PTPRN2: variants seen among roughly 807,000 people sequenced by gnomAD.
The protein encoded by PTPRN2 is receptor-type tyrosine-protein phosphatase N2.
A neutral mutation model predicts 118.8 loss-of-function variants in PTPRN2; 74 were observed. The ratio of observed to expected loss-of-function variants is 0.62; its 90% CI spans 0.52 to 0.76. The LOEUF (loss-of-function observed/expected upper bound fraction) is 0.76, where lower values mean the gene tolerates loss of function less well. Ranked by LOEUF, PTPRN2 falls within the 30% of genes least tolerant of loss-of-function variation. PTPRN2 has a pLI of 0.00. For missense variants in PTPRN2, 1,481 were observed against 1,394.4 expected (o/e 1.06, Z -0.99); for synonymous variants, 641 against 608.0 (o/e 1.05, Z -0.80).
intron 9 of PTPRN2, among the ~76,000 whole-genome samples, chr7:158,120,176 A>T (rs1817043694): frequency 1.3e-5 from 2 of 152,140 alleles, no homozygotes; most frequent in Admixed American, 1.3e-4. Flanking sequence ...GAGTAGAGTG[A>T]AGGCTGCCAG....
chr7:157,670,682 C>T (rs1796364832), intron 13 of PTPRN2, among the ~76,000 whole-genome samples: 1 of 152,212 alleles, frequency 6.6e-6, no homozygotes, highest in South Asian at 2.1e-4. Flanking sequence ...CGGAGGATGA[C>T]TCACCGGGCA....
intron 5 of PTPRN2, among the ~76,000 whole-genome samples, chr7:158,188,120 T>A (rs1825329584): frequency 6.7e-6 from 1 of 150,284 alleles, no homozygotes; most frequent in Admixed American, 6.6e-5. Context: ...ACGGAAGGGA[T>A]GTCCTAGTGC....
Position 158,071,245 on chromosome 7 carries a change from G to A in PTPRN2, c.1723+10053C>T, listed in dbSNP as rs201086687. Among the ~76,000 whole-genome samples the A allele has an allele frequency of 2.5e-3, 136 of 54,028 alleles. 5 individuals carry two copies. Among genetic ancestry groups the A allele is most frequent in the East Asian group, 0.016 (17 of 1,044 alleles). 35.4% of individuals were successfully genotyped at this position (54,028 alleles called of 152,430 possible). A position where few individuals can be genotyped will look rare whatever the true frequency, so the allele number is the denominator to read the frequency against. On this transcript the variant is annotated intron_variant, in intron 11 of 22. Coordinates refer to ENST00000389418, the MANE Select transcript of PTPRN2 (RefSeq NM_002847.5). ...GGTGCCCGTGGTGGTGGAGGTGCTC[G>A]TAGTATGGAGGTGCCCGTGGTGGTG...
chr7:157,902,601 G>A (rs2128754050), intron 11 of PTPRN2, among the ~76,000 whole-genome samples: 1 of 152,278 alleles, frequency 6.6e-6, no homozygotes, highest in African/African-American at 2.4e-5. Context: ...GTGGCCTCAA[G>A]AGCACGTGGG....
rs115195564 is a variant in PTPRN2, at chr7:157,753,180, C to T, written c.1789-70243G>A. 7.5e-3 allele frequency among the ~76,000 whole-genome samples: 1,142 copies of T among 152,324 alleles called. 12 individuals carry two copies. The highest frequency in any genetic ancestry group is 0.026 in the African/African-American group (1,097 of 41,578). On this transcript the variant is annotated intron_variant, in intron 12 of 22. Coordinates refer to ENST00000389418, the MANE Select transcript of PTPRN2 (RefSeq NM_002847.5). ...CCTAAACGCCTCCCTCTGCTGACGT[C>T]GGAACCCACACCCCGCGCAGTGGGC...
At chr7:158,283,036 C>T (rs922600771) in intron 3 of PTPRN2, among the ~76,000 whole-genome samples, 4 of 152,262 alleles carry the variant, frequency 2.6e-5, no homozygotes, top group Admixed American at 6.5e-5. Flanking sequence ...CTGATCCCTC[C>T]TCGTGCTCCC....
At chr7:157,894,833 T>A (rs1797008938) in intron 12 of PTPRN2, among the ~76,000 whole-genome samples, 1 of 152,172 alleles carries the variant, frequency 6.6e-6, no homozygotes, top group Non-Finnish European at 1.5e-5. Flanking sequence ...GAACCCCAGA[T>A]CTGTGCATGT....
chr7:157,842,410 C>CTTT (rs11316558), intron 12 of PTPRN2, among the ~76,000 whole-genome samples: 3,496 of 93,194 alleles, frequency 0.038, 96 homozygotes, highest in Admixed American at 0.072. Flanking sequence ...ATTCAGGAGA[C>CTTT]TTTTTTTTTT....
chr7:158,566,866 C>G (rs1827702844), intron 1 of PTPRN2, among the ~76,000 whole-genome samples: 1 of 152,140 alleles, frequency 6.6e-6, no homozygotes, highest in South Asian at 2.1e-4. Flanking sequence ...TAGGGAGCCG[C>G]TACCACACCA....
intron 11 of PTPRN2, among the ~76,000 whole-genome samples, chr7:158,007,731 TGTGTGTGAGG>T (rs1805730537): frequency 6.6e-6 from 1 of 150,848 alleles, no homozygotes; most frequent in African/African-American, 2.4e-5. Flanking sequence ...GTGCATTGCA[TGTGTGTGAGG>T]GTGTGTGTGG....
At chr7:158,262,653 ACT>A (rs1447765759) in intron 3 of PTPRN2, among the ~76,000 whole-genome samples, 60 of 147,486 alleles carry the variant, frequency 4.1e-4, no homozygotes, top group African/African-American at 1.4e-3. Flanking sequence ...CACTGCACAC[ACT>A]GACACACTGC....
At chr7:158,164,205 C>A (rs1822663425) in intron 6 of PTPRN2, among the ~76,000 whole-genome samples, 1 of 152,290 alleles carries the variant, frequency 6.6e-6, no homozygotes, top group South Asian at 2.1e-4. Context: ...ATAAGAAAGG[C>A]ACACAGAACA....
chr7:158,019,759 T>TGTGCCTGGCA (rs151058874), intron 11 of PTPRN2, among the ~76,000 whole-genome samples: 8,139 of 152,234 alleles, frequency 0.053, 726 homozygotes, highest in African/African-American at 0.19. Flanking sequence ...CAGGCCTGGC[T>TGTGCCTGGCA]GTGCCTGGCA....
intron 12 of PTPRN2, among the ~76,000 whole-genome samples, chr7:157,749,292 G>C (rs1585373376): frequency 6.9e-6 from 1 of 144,028 alleles, no homozygotes; most frequent in South Asian, 2.3e-4. Context: ...GTGATTCTGA[G>C]GCCTGCGTCC....
intron 2 of PTPRN2, among the ~76,000 whole-genome samples, chr7:158,487,518 C>A (rs76614282): frequency 2.0e-5 from 3 of 152,000 alleles, no homozygotes; most frequent in African/African-American, 7.3e-5. Context: ...TTATTAATAA[C>A]CTCTGTTGGG....
intron 12 of PTPRN2, among the ~76,000 whole-genome samples, chr7:157,725,725 G>A (rs1401888009): frequency 4.9e-5 from 3 of 61,538 alleles, no homozygotes; most frequent in Admixed American, 1.3e-4. Context: ...AGAGGAGTGA[G>A]CCAGACCCTC....
chr7:158,239,376 C>A (rs73746441), intron 3 of PTPRN2, among the ~76,000 whole-genome samples: 1 of 152,180 alleles, frequency 6.6e-6, no homozygotes, highest in Non-Finnish European at 1.5e-5. Flanking sequence ...GCTGGTATCC[C>A]GGAGCTTGTT....
At chr7:158,074,476 G>T (rs568224247) in intron 11 of PTPRN2, among the ~76,000 whole-genome samples, 1 of 152,166 alleles carries the variant, frequency 6.6e-6, no homozygotes, top group African/African-American at 2.4e-5. Context: ...TTCAGAAGCG[G>T]GTTTTACAAC....
At position 158,261,598 on chromosome 7, in the gene PTPRN2, C is replaced by A. The variant is rs115292421; in HGVS notation, c.277+55221G>T. Among the ~76,000 whole-genome samples, 803 of 152,206 alleles carry A rather than the reference C, an allele frequency of 5.3e-3. 9 individuals are homozygous for A. The highest frequency in any genetic ancestry group is 0.018 in the African/African-American group (762 of 41,538). On this transcript the variant is annotated intron_variant, in intron 3 of 22. Transcript: ENST00000389418. ...GGGGACTCCAGCCACCCATCCTGAG[C>A]CAGAATGTGGACGTCCACTCCATAG...
Sources: allele counts gnomAD v4.1 joint callset (sites outside exome capture counted in the v4.1 genomes callset), GRCh38; gene constraint gnomAD v4.1.1; transcripts MANE v1.5; gene names NCBI Gene and HGNC (gene_info 2026-07-23, HGNC 2026-07-21).